The following L3MBTL4 variants were observed in gnomAD, a reference collection of about 807,000 sequenced individuals.
L3MBTL4 encodes the protein L3MBTL histone methyl-lysine binding protein 4.
In L3MBTL4, 70 loss-of-function variants were observed where a neutral mutation model predicts 84.5. The observed-to-expected ratio is 0.83, with a 90% CI of 0.68 to 1.01. The LOEUF is 1.01. Among genes scored for constraint, L3MBTL4 ranks in the 50% least tolerant of loss-of-function variants. The pLI is 0.00. For synonymous variants in L3MBTL4, 274 were observed against 259.8 expected (o/e 1.05, Z -0.52); for missense variants, 715 against 754.8 (o/e 0.95, Z 0.62).
intron 12 of L3MBTL4, among the ~76,000 whole-genome samples, chr18:6,207,220 T>C (rs1371169780): frequency 6.6e-6 from 1 of 152,214 alleles, no homozygotes; most frequent in African/African-American, 2.4e-5. Context: ...GAGCAGTTAC[T>C]GCAGAGACCA....
chr18:6,188,622 G>C (rs942402702), intron 12 of L3MBTL4, among the ~76,000 whole-genome samples: 1 of 152,236 alleles, frequency 6.6e-6, no homozygotes, highest in Non-Finnish European at 1.5e-5. Flanking sequence ...ACCTGGAGGA[G>C]CTGAAGATCA....
chr18:5,996,233 T>G (rs990892310), intron 16 of L3MBTL4, among the ~76,000 whole-genome samples: 1 of 152,112 alleles, frequency 6.6e-6, no homozygotes, highest in Non-Finnish European at 1.5e-5. Context: ...TGGCCAAAGA[T>G]TCACTTGATG....
intron 16 of L3MBTL4, among the ~76,000 whole-genome samples, chr18:5,983,088 A>G (rs148583526): frequency 6.6e-6 from 1 of 152,332 alleles, no homozygotes; most frequent in African/African-American, 2.4e-5. Flanking sequence ...GGGAGGCTCA[A>G]GTTGCTCACG....
intron 1 of L3MBTL4, among the ~76,000 whole-genome samples, chr18:6,389,848 G>C (rs1202405897): frequency 6.6e-6 from 1 of 152,008 alleles, no homozygotes; most frequent in East Asian, 1.9e-4. Context: ...AACAATAATA[G>C]TAGGAGACTT....
At chr18:6,027,339 T>C (rs1445665690) in intron 16 of L3MBTL4, among the ~76,000 whole-genome samples, 1 of 152,186 alleles carries the variant, frequency 6.6e-6, no homozygotes, top group African/African-American at 2.4e-5. Flanking sequence ...TCCAGCTTCA[T>C]GCATGGTCCC....
chr18:6,080,414 ATTC>A (rs2058036579), intron 16 of L3MBTL4, among the ~76,000 whole-genome samples: 1 of 152,206 alleles, frequency 6.6e-6, no homozygotes, highest in African/African-American at 2.4e-5. Flanking sequence ...AACACATGCA[ATTC>A]TTCTTCCTAG....
chr18:6,175,874 A>G (rs1057448190), intron 12 of L3MBTL4, among the ~76,000 whole-genome samples: 14 of 152,168 alleles, frequency 9.2e-5, no homozygotes, highest in African/African-American at 3.4e-4. Context: ...TTGCAAAATA[A>G]GTCAACATAA....
At chr18:6,024,598 C>T (rs2055420647) in intron 16 of L3MBTL4, among the ~76,000 whole-genome samples, 1 of 152,130 alleles carries the variant, frequency 6.6e-6, no homozygotes, top group Non-Finnish European at 1.5e-5. Flanking sequence ...TGAAGGAAAC[C>T]ATTACATAAA....
At chr18:6,381,113 T>C (rs2054578007) in intron 1 of L3MBTL4, among the ~76,000 whole-genome samples, 1 of 152,248 alleles carries the variant, frequency 6.6e-6, no homozygotes, top group African/African-American at 2.4e-5. Flanking sequence ...GTTTAAAGTC[T>C]GTTTTACCAG....
At chr18:6,398,599 T>G (rs1052941121) in intron 1 of L3MBTL4, among the ~76,000 whole-genome samples, 2 of 152,174 alleles carry the variant, frequency 1.3e-5, no homozygotes, top group African/African-American at 4.8e-5. Flanking sequence ...CTCGCCTTCT[T>G]GTTTTGGTAA....
chr18:6,141,041 T>A, intron 13 of L3MBTL4, among the ~76,000 whole-genome samples: 2 of 150,176 alleles, frequency 1.3e-5, no homozygotes, highest in Middle Eastern at 3.4e-3. Flanking sequence ...GGAAGAACTA[T>A]GGAATACTCA....
intron 16 of L3MBTL4, among the ~76,000 whole-genome samples, chr18:5,998,177 G>A (rs533569413): frequency 1.3e-5 from 2 of 152,264 alleles, no homozygotes; most frequent in South Asian, 2.1e-4. Context: ...TAGGTGGCCA[G>A]GTATGGCCGA....
chr18:6,065,202 C>T (rs2057360052), intron 16 of L3MBTL4, among the ~76,000 whole-genome samples: 1 of 151,976 alleles, frequency 6.6e-6, no homozygotes, highest in Admixed American at 6.6e-5. Flanking sequence ...ATGAAATCTA[C>T]TTGATCATAA....
At chr18:6,026,897 C>A (rs1164967758) in intron 16 of L3MBTL4, among the ~76,000 whole-genome samples, 1 of 151,872 alleles carries the variant, frequency 6.6e-6, no homozygotes, top group Non-Finnish European at 1.5e-5. Flanking sequence ...TAATTTATTG[C>A]CTTAATTTTC....
At chr18:6,298,860 G>C (rs916397312) in intron 4 of L3MBTL4, among the ~76,000 whole-genome samples, 1 of 151,972 alleles carries the variant, frequency 6.6e-6, no homozygotes, top group African/African-American at 2.4e-5. Context: ...AGCAACAAGA[G>C]GGAAATTCTG....
chr18:6,213,374 A>C, intron 11 of L3MBTL4, 115 bp from the exon 12 acceptor site: 1 of 577,600 alleles, frequency 1.7e-6, no homozygotes, highest in Non-Finnish European at 3.1e-6. Context: ...CTTCAATACA[A>C]CTGGAATTTA....
intron 3 of L3MBTL4, among the ~76,000 whole-genome samples, chr18:6,306,122 C>T (rs1946753): frequency 0.19 from 28,846 of 152,116 alleles, 2,871 homozygotes; most frequent in African/African-American, 0.23. Flanking sequence ...ATTTAATAAC[C>T]CCAGTGACAA....
chr18:5,975,253 C>A (rs2052856732), intron 16 of L3MBTL4, among the ~76,000 whole-genome samples: 1 of 152,108 alleles, frequency 6.6e-6, no homozygotes, highest in African/African-American at 2.4e-5. Flanking sequence ...TATTTTTAAT[C>A]CCACTAAAAA....
chr18:6,172,630 C>T (rs1172937926), intron 12 of L3MBTL4, among the ~76,000 whole-genome samples: 1 of 152,148 alleles, frequency 6.6e-6, no homozygotes, highest in Non-Finnish European at 1.5e-5. Flanking sequence ...GATAATTTAT[C>T]TTGCATCTTA....
Sources: allele counts gnomAD v4.1 joint callset (sites outside exome capture counted in the v4.1 genomes callset), GRCh38; gene constraint gnomAD v4.1.1; transcripts MANE v1.5; gene names NCBI Gene and HGNC (gene_info 2026-07-23, HGNC 2026-07-21).